The following TIPIN variants were observed in gnomAD, a reference collection of about 807,000 sequenced individuals.
TIPIN encodes TIMELESS interacting protein.
Under a neutral mutation model 35.6 loss-of-function variants are expected in TIPIN, and 29 were observed. The observed-to-expected ratio is 0.82, with a 90% CI of 0.61 to 1.11. The LOEUF (loss-of-function observed/expected upper bound fraction) is 1.11, where lower values mean the gene tolerates loss of function less well. Ranked by LOEUF, TIPIN falls within the 50% of genes most tolerant of loss-of-function variation. TIPIN has a pLI of 0.00. For synonymous variants in TIPIN, 102 were observed against 121.5 expected, an observed-to-expected ratio of 0.84 and a Z score of 1.06; for missense variants, 296 against 345.4, an observed-to-expected ratio of 0.86 and a Z score of 1.13.
At chr15:66,371,622 T>G (rs2093278006) in intron 1 of TIPIN, among the ~76,000 whole-genome samples, 1 of 151,800 alleles carries the variant, frequency 6.6e-6, no homozygotes, top group Non-Finnish European at 1.5e-5. Flanking sequence ...CAGGCCATTC[T>G]CCTGCCTCAG....
intron 1 of TIPIN, 130 bp downstream of exon 1, chr15:66,356,509 A>G (rs1595804209): frequency 1.7e-6 from 1 of 604,558 alleles, no homozygotes; most frequent in Non-Finnish European, 2.1e-6. Context: ...CAACCTCCTG[A>G]CCCCCTTCCT....
upstream of TIPIN, among the ~76,000 whole-genome samples, chr15:66,357,976 G>A (rs1202188848): frequency 6.6e-6 from 1 of 151,842 alleles, no homozygotes; most frequent in Admixed American, 6.6e-5. Flanking sequence ...AAAGTTATTT[G>A]GTCAGACTTG....
upstream of TIPIN, among the ~76,000 whole-genome samples, chr15:66,359,182 C>CAT (rs1329538450): frequency 6.6e-6 from 1 of 151,206 alleles, no homozygotes; most frequent in Non-Finnish European, 1.5e-5. Context: ...CAGACACACA[C>CAT]ACACACACAC....
chr15:66,336,631 T>C lies in TIPIN; in HGVS notation c.*327A>G. ...ACACTGTCCATGGATTAGCCCTGCT[T>C]TGCAAGGAGCAGTAAAAAACAGAAA... On this transcript the variant is annotated 3_prime_UTR_variant, in exon 8 of 8. Coordinates refer to ENST00000261881, the MANE Select transcript of TIPIN (RefSeq NM_017858.3). 1 of 294,440 alleles carries C rather than the reference T, an allele frequency of 3.4e-6. No individual in the cohort carries two copies. Among genetic ancestry groups the C allele is most frequent in the Non-Finnish European group, 6.6e-6 (1 of 152,448 alleles). 18.2% of individuals were successfully genotyped at this position (294,440 alleles called of 1,614,324 possible).
At chr15:66,374,244 T>C (rs376969647) in intron 1 of TIPIN, among the ~76,000 whole-genome samples, 7 of 152,088 alleles carry the variant, frequency 4.6e-5, no homozygotes, top group Admixed American at 2.0e-4. Context: ...GTGCCCAGCT[T>C]AAATCATTTT....
At chr15:66,364,158 CTTTTTT>C (rs747825457) in intron 1 of TIPIN, among the ~76,000 whole-genome samples, 126 of 73,782 alleles carry the variant, frequency 1.7e-3, no homozygotes, top group African/African-American at 7.0e-3. Flanking sequence ...TCTTTCTTTT[CTTTTTT>C]TTTTTTTTTT....
intron 6 of TIPIN, among the ~76,000 whole-genome samples, chr15:66,343,649 T>C (rs918032330): frequency 1.3e-5 from 2 of 152,146 alleles, no homozygotes; most frequent in African/African-American, 4.8e-5. Context: ...TGTCAGGAAA[T>C]ACTGATAAGA....
At chr15:66,346,107 AG>A (rs1489166832) in intron 6 of TIPIN, among the ~76,000 whole-genome samples, 3 of 151,894 alleles carry the variant, frequency 2.0e-5, no homozygotes, top group Admixed American at 2.0e-4. Flanking sequence ...CCACTACGCC[AG>A]GCTAATTTTT....
intron 1 of TIPIN, chr15:66,382,992 C>A: frequency 1.0e-6 from 1 of 985,384 alleles, no homozygotes; most frequent in Non-Finnish European, 1.2e-6. Flanking sequence ...AACTATTCTG[C>A]AAACTTTAAC....
chr15:66,360,173 T>A (rs1382030493), upstream of TIPIN, among the ~76,000 whole-genome samples: 1 of 152,162 alleles, frequency 6.6e-6, no homozygotes, highest in Non-Finnish European at 1.5e-5. Flanking sequence ...GGAGGATTAC[T>A]TGAGCCCAGG....
At chr15:66,354,516 A>G (rs2093190795) in intron 1 of TIPIN, among the ~76,000 whole-genome samples, 2 of 152,128 alleles carry the variant, frequency 1.3e-5, no homozygotes, top group African/African-American at 2.4e-5. Flanking sequence ...AATTGTCCCT[A>G]TTACATCTAG....
intron 1 of TIPIN, among the ~76,000 whole-genome samples, chr15:66,376,992 C>T (rs1327662162): frequency 2.7e-5 from 4 of 150,094 alleles, no homozygotes; most frequent in Admixed American, 1.3e-4. Context: ...CCTGTAATAC[C>T]AGTTACTCAG....
At chr15:66,342,186 CAAAAAAAAA>C (rs55711983) in intron 6 of TIPIN, among the ~76,000 whole-genome samples, 9 of 108,516 alleles carry the variant, frequency 8.3e-5, no homozygotes, top group Admixed American at 2.1e-4. Context: ...AAGACTGTCT[CAAAAAAAAA>C]AAAAAAAAAA....
upstream of TIPIN, among the ~76,000 whole-genome samples, chr15:66,358,392 T>C (rs531441159): frequency 1.0e-3 from 155 of 152,152 alleles, 1 homozygote; most frequent in African/African-American, 3.7e-3. Context: ...TAGGGAATAC[T>C]GGCAGCATTA....
chr15:66,378,877 C>T (rs1167788340), intron 1 of TIPIN, among the ~76,000 whole-genome samples: 1 of 152,042 alleles, frequency 6.6e-6, no homozygotes, highest in Non-Finnish European at 1.5e-5. Flanking sequence ...GCTGGGACTA[C>T]AGGGATGTAC....
intron 6 of TIPIN, 142 bp downstream of exon 6, chr15:66,348,918 C>T (rs1026094438): frequency 3.7e-5 from 24 of 656,978 alleles, no homozygotes; most frequent in Non-Finnish European, 5.8e-5. Context: ...GCACTCCAGA[C>T]TGGGTGACAG....
At chr15:66,369,353 CTTTTTT>C (rs59189335) in intron 1 of TIPIN, among the ~76,000 whole-genome samples, 3 of 118,604 alleles carry the variant, frequency 2.5e-5, no homozygotes, top group African/African-American at 6.5e-5. Context: ...TTCACAATAT[CTTTTTT>C]TTTTTTTTTT....
chr15:66,360,183 G>A (rs146684430), upstream of TIPIN, among the ~76,000 whole-genome samples: 1,190 of 152,242 alleles, frequency 7.8e-3, 13 homozygotes, highest in African/African-American at 0.027. Flanking sequence ...TTGAGCCCAG[G>A]AGGTCAAGGC....
chr15:66,358,550 A>G (rs2093217303), upstream of TIPIN, among the ~76,000 whole-genome samples: 1 of 151,790 alleles, frequency 6.6e-6, no homozygotes, highest in Non-Finnish European at 1.5e-5. Flanking sequence ...GGTAACTGGC[A>G]CTACAGGCTC....
Sources: gnomAD v4.1 joint callset for allele counts (sites outside exome capture counted in the v4.1 genomes callset) on GRCh38, gnomAD v4.1.1 for gene constraint, MANE v1.5 for transcripts, NCBI Gene and HGNC (gene_info 2026-07-23, HGNC 2026-07-21) for gene names.